YWHAE: variants seen among roughly 807,000 people sequenced by gnomAD.
YWHAE encodes the protein 14-3-3 protein epsilon.
YWHAE carries 4 observed loss-of-function variants against 30.1 expected under a neutral mutation model. The ratio of observed to expected loss-of-function variants is 0.13; its 90% CI spans 0.07 to 0.30. The LOEUF is 0.30. Among genes scored for constraint, YWHAE ranks in the 10% least tolerant of loss-of-function variants. The pLI is 1.00. For missense variants in YWHAE, 121 were observed against 315.9 expected, an observed-to-expected ratio of 0.38 and a Z score of 4.68; for synonymous variants, 118 against 111.8, an observed-to-expected ratio of 1.06 and a Z score of -0.35.
chr17:1,380,781 A>ATT (rs1337878189), intron 1 of YWHAE, among the ~76,000 whole-genome samples: 1 of 152,140 alleles, frequency 6.6e-6, no homozygotes, highest in Non-Finnish European at 1.5e-5. Flanking sequence ...CATCTCATAT[A>ATT]TTTAATCCCA....
In YWHAE at chr17:1,400,128, C is replaced by G. The variant is rs766075336; in HGVS notation, c.-18G>C. The G allele has an allele frequency of 6.2e-7, 1 of 1,614,060 alleles. No homozygotes were observed. The highest frequency in any genetic ancestry group is 1.7e-5 in the Admixed American group (1 of 60,024). ...TCATCCATAGCGGCAGCGGCTCCGG[C>G]AGGGTCTGCGCGACGGATGGAAGCG... On this transcript the variant is annotated 5_prime_UTR_variant, in exon 1 of 6. Transcript: ENST00000264335.
intron 1 of YWHAE, among the ~76,000 whole-genome samples, chr17:1,392,273 G>GA (rs1476535100): frequency 6.6e-6 from 1 of 152,162 alleles, no homozygotes; most frequent in Non-Finnish European, 1.5e-5. Context: ...TAAGTGGGAG[G>GA]CTGAGATGGG....
chr17:1,349,660 C>A (rs2072588739), intron 5 of YWHAE, among the ~76,000 whole-genome samples: 1 of 151,320 alleles, frequency 6.6e-6, no homozygotes, highest in Non-Finnish European at 1.5e-5. Context: ...GTCGCCCAGG[C>A]TGGAGTGCAG....
intron 5 of YWHAE, among the ~76,000 whole-genome samples, chr17:1,348,957 C>T (rs565897297): frequency 1.3e-5 from 2 of 150,034 alleles, no homozygotes; most frequent in Non-Finnish European, 3.0e-5. Context: ...ACCCGGGAGG[C>T]GGAGTTTGCA....
chr17:1,357,815 T>C (rs2072780120), intron 4 of YWHAE, among the ~76,000 whole-genome samples: 1 of 151,104 alleles, frequency 6.6e-6, no homozygotes, highest in Admixed American at 6.6e-5. Context: ...TAATCCCAGC[T>C]ACCTGGGAGG....
intron 1 of YWHAE, among the ~76,000 whole-genome samples, chr17:1,380,396 G>A (rs1461446464): frequency 6.6e-6 from 1 of 152,082 alleles, no homozygotes; most frequent in Non-Finnish European, 1.5e-5. Context: ...ACCGCGCCCA[G>A]CCCAGACTAG....
intron 1 of YWHAE, among the ~76,000 whole-genome samples, chr17:1,394,924 A>C (rs1294654701): frequency 6.6e-6 from 1 of 151,958 alleles, no homozygotes; most frequent in Non-Finnish European, 1.5e-5. Context: ...CCGAGATCCT[A>C]CCACTACACT....
chr17:1,368,320 G>T (rs765318466), intron 1 of YWHAE, among the ~76,000 whole-genome samples: 2 of 152,010 alleles, frequency 1.3e-5, no homozygotes, highest in African/African-American at 2.4e-5. Flanking sequence ...AGGTTGCACT[G>T]AGTGGAGATC....
intron 5 of YWHAE, among the ~76,000 whole-genome samples, chr17:1,349,565 T>C: frequency 6.6e-6 from 1 of 152,110 alleles, no homozygotes; most frequent in Non-Finnish European, 1.5e-5. Context: ...CCAAATTTAA[T>C]CAACTGATTT....
At chr17:1,385,578 C>T (rs1447235409) in intron 1 of YWHAE, among the ~76,000 whole-genome samples, 2 of 152,078 alleles carry the variant, frequency 1.3e-5, no homozygotes, top group Non-Finnish European at 1.5e-5. Flanking sequence ...ATGGCCTGGG[C>T]ACTGGGGACC....
Position 1,361,059 on chromosome 17 carries a change from C to T in YWHAE, c.578+33G>A, listed in dbSNP as rs372390426. On this transcript the variant is annotated intron_variant, in intron 4 of 5. Coordinates refer to ENST00000264335, the MANE Select transcript of YWHAE (RefSeq NM_006761.5). Reference sequence around the variant, plus strand: ...CAAACAGCGCCCCCCTTAACTTTCACGCTGAGCGCTGCTGTTCTTCCCCAC... The same window carrying T: ...CAAACAGCGCCCCCCTTAACTTTCATGCTGAGCGCTGCTGTTCTTCCCCAC... The T allele has an allele frequency of 1.6e-4, 252 of 1,597,140 alleles. No homozygotes were observed. The South Asian group carries it at 2.5e-3, about 16-fold the overall frequency.
intron 1 of YWHAE, among the ~76,000 whole-genome samples, chr17:1,370,120 T>A (rs1431904357): frequency 2.2e-4 from 5 of 22,238 alleles, no homozygotes; most frequent in East Asian, 1.7e-3. Flanking sequence ...ACAGAAAAAC[T>A]TTTTTTTTTT....
intron 1 of YWHAE, among the ~76,000 whole-genome samples, chr17:1,373,006 C>A (rs2073064368): frequency 6.6e-6 from 1 of 151,976 alleles, no homozygotes; most frequent in African/African-American, 2.4e-5. Context: ...CTTTGGGAGG[C>A]CAAGGCGGGC....
At chr17:1,358,413 G>GAAAAA in intron 4 of YWHAE, among the ~76,000 whole-genome samples, 1 of 151,458 alleles carries the variant, frequency 6.6e-6, no homozygotes, top group African/African-American at 2.4e-5. Context: ...CTGATTTTTT[G>GAAAAA]TATTTTTAGT....
At chr17:1,394,138 T>C (rs577539881) in intron 1 of YWHAE, among the ~76,000 whole-genome samples, 72 of 152,336 alleles carry the variant, frequency 4.7e-4, no homozygotes, top group African/African-American at 1.7e-3. Context: ...CACTAAGTTC[T>C]GGCTTTACCA....
At chr17:1,379,025 T>C (rs146132561) in intron 1 of YWHAE, among the ~76,000 whole-genome samples, 137 of 152,276 alleles carry the variant, frequency 9.0e-4, no homozygotes, top group African/African-American at 3.2e-3. Context: ...ACCTGAATTA[T>C]ACTGGTTTTT....
intron 4 of YWHAE, among the ~76,000 whole-genome samples, 194 bp from the exon 5 acceptor site, chr17:1,354,541 T>G (rs2072695269): frequency 6.6e-6 from 1 of 152,242 alleles, no homozygotes; most frequent in South Asian, 2.1e-4. Flanking sequence ...GCTTTAAGCC[T>G]GCTACTGATA....
At chr17:1,366,478 C>T (rs1322332670) in intron 1 of YWHAE, among the ~76,000 whole-genome samples, 4 of 152,006 alleles carry the variant, frequency 2.6e-5, no homozygotes, top group African/African-American at 9.7e-5. Context: ...GCAGAGATTG[C>T]AACTGAGATC....
chr17:1,372,092 C>T (rs1225358531), intron 1 of YWHAE, among the ~76,000 whole-genome samples: 2 of 152,208 alleles, frequency 1.3e-5, no homozygotes, highest in Admixed American at 6.5e-5. Context: ...TCCGCCTCGG[C>T]CCCCCAAAGC....
Sources: gnomAD v4.1 joint callset for allele counts (sites outside exome capture counted in the v4.1 genomes callset) on GRCh38, gnomAD v4.1.1 for gene constraint, MANE v1.5 for transcripts, NCBI Gene and HGNC (gene_info 2026-07-23, HGNC 2026-07-21) for gene names.